Variants in SULT1E1 observed in about 807,000 individuals in gnomAD.
The protein encoded by SULT1E1 is sulfotransferase family 1E member 1.
In SULT1E1, 36 loss-of-function variants were observed where a neutral mutation model predicts 33.6. The observed-to-expected ratio is 1.07, with a 90% confidence interval of 0.82 to 1.41. The LOEUF (loss-of-function observed/expected upper bound fraction) is 1.41. SULT1E1 is among the 40% of genes most tolerant of loss of function. The pLI is 0.00. For missense variants in SULT1E1, 371 were observed against 345.7 expected (o/e 1.07, Z -0.58); for synonymous variants, 121 against 111.7 (o/e 1.08, Z -0.53).
chr4:69,855,544 T>A, intron 2 of SULT1E1, 118 bp from the exon 3 acceptor site: 2 of 916,760 alleles, frequency 2.2e-6, no homozygotes, highest in Non-Finnish European at 3.1e-6. Context: ...TTAAAGGGTG[T>A]CTGAATAGCC....
At chr4:69,856,055 A>G (rs980633313) in intron 2 of SULT1E1, among the ~76,000 whole-genome samples, 27 of 152,204 alleles carry the variant, frequency 1.8e-4, no homozygotes, top group Non-Finnish European at 1.5e-5. Context: ...GTGATCCTTC[A>G]GCTTAGCCTT....
the SULT1E1 span, among the ~76,000 whole-genome samples, chr4:69,831,880 C>T: frequency 6.6e-5 from 10 of 152,266 alleles, no homozygotes; most frequent in East Asian, 1.9e-3. Flanking sequence ...TCTGTGTCTC[C>T]CCACATTACT....
At chr4:69,822,697 C>T in the SULT1E1 span, among the ~76,000 whole-genome samples, 3 of 152,124 alleles carry the variant, frequency 2.0e-5, no homozygotes, top group African/African-American at 7.2e-5. Context: ...TTTTATTCAT[C>T]CCCATCTTGT....
the SULT1E1 span, among the ~76,000 whole-genome samples, chr4:69,830,050 C>T: frequency 1.3e-5 from 2 of 152,202 alleles, no homozygotes; most frequent in African/African-American, 4.8e-5. Context: ...TGTTATCATT[C>T]TCTGGACACT....
chr4:69,828,423 A>G, the SULT1E1 span, among the ~76,000 whole-genome samples: 1 of 152,052 alleles, frequency 6.6e-6, no homozygotes, highest in East Asian at 1.9e-4. Context: ...ACAACTCTGG[A>G]CATGCCACCT....
chr4:69,838,913 T>A (rs1288909247), downstream of SULT1E1, among the ~76,000 whole-genome samples: 4 of 152,250 alleles, frequency 2.6e-5, no homozygotes, highest in Non-Finnish European at 4.4e-5. Flanking sequence ...GAACTATACA[T>A]AAGTAGGTGA....
At chr4:69,848,769 A>G (rs1341634099) in intron 5 of SULT1E1, among the ~76,000 whole-genome samples, 1 of 151,946 alleles carries the variant, frequency 6.6e-6, no homozygotes, top group Non-Finnish European at 1.5e-5. Context: ...TTTTCTTTAT[A>G]ATTGTTACTA....
intron 6 of SULT1E1, among the ~76,000 whole-genome samples, chr4:69,845,533 G>A (rs903529555): frequency 2.7e-5 from 4 of 150,268 alleles, no homozygotes; most frequent in African/African-American, 9.8e-5. Context: ...ACATGTATGT[G>A]TATATATATA....
chr4:69,845,819 A>G (rs1720965688), intron 6 of SULT1E1, among the ~76,000 whole-genome samples: 1 of 151,288 alleles, frequency 6.6e-6, no homozygotes, highest in Non-Finnish European at 1.5e-5. Flanking sequence ...AATGTCATTA[A>G]TAGTCTAATT....
At chr4:69,851,719 C>T (rs1196104612) in intron 4 of SULT1E1, among the ~76,000 whole-genome samples, 1 of 152,080 alleles carries the variant, frequency 6.6e-6, no homozygotes, top group African/African-American at 2.4e-5. Flanking sequence ...GACTTGGAAC[C>T]AACCCAAATA....
chr4:69,826,693 TTC>T, the SULT1E1 span, among the ~76,000 whole-genome samples: 77 of 152,206 alleles, frequency 5.1e-4, no homozygotes, highest in African/African-American at 1.8e-3. Flanking sequence ...GGCCCCAATA[TTC>T]TCTCTCTGAT....
chr4:69,840,649 A>G (rs1425855397), downstream of SULT1E1, among the ~76,000 whole-genome samples: 1 of 152,218 alleles, frequency 6.6e-6, no homozygotes, highest in Non-Finnish European at 1.5e-5. Flanking sequence ...AAGATAAATC[A>G]CACTCATTGG....
chr4:69,825,858 T>TCCGAGGCTAGTCCCACTTCTAAAAACC, the SULT1E1 span, among the ~76,000 whole-genome samples: 1 of 152,184 alleles, frequency 6.6e-6, no homozygotes, highest in Non-Finnish European at 1.5e-5. Flanking sequence ...GCCTCTCTTC[T>TCCGAGGCTAGTCCCACTTCTAAAAACC]CCGAGGCTAG....
chr4:69,833,023 G>T, the SULT1E1 span, among the ~76,000 whole-genome samples: 1 of 152,142 alleles, frequency 6.6e-6, no homozygotes, highest in Admixed American at 6.5e-5. Context: ...CCTTTGAAAT[G>T]AGTCTGCCTA....
chr4:69,840,003 T>C (rs1196800701), downstream of SULT1E1, among the ~76,000 whole-genome samples: 1 of 152,214 alleles, frequency 6.6e-6, no homozygotes, highest in African/African-American at 2.4e-5. Context: ...AACATCACTA[T>C]GAATCTTACA....
At chr4:69,853,916 G>T (rs1440875242) in intron 4 of SULT1E1, among the ~76,000 whole-genome samples, 1 of 152,128 alleles carries the variant, frequency 6.6e-6, no homozygotes, top group African/African-American at 2.4e-5. Context: ...CACTTTATAA[G>T]CATTATCATG....
At chr4:69,822,585 C>G in the SULT1E1 span, among the ~76,000 whole-genome samples, 1 of 152,172 alleles carries the variant, frequency 6.6e-6, no homozygotes, top group African/African-American at 2.4e-5. Context: ...CAACCTGGAC[C>G]CTGTCTGTAG....
At chr4:69,832,947 T>C in the SULT1E1 span, among the ~76,000 whole-genome samples, 2 of 152,150 alleles carry the variant, frequency 1.3e-5, no homozygotes, top group South Asian at 4.1e-4. Context: ...GCTGGGAAAG[T>C]CTTCAGGGCA....
At chr4:69,851,218 C>T (rs1393912450) in intron 4 of SULT1E1, among the ~76,000 whole-genome samples, 1 of 152,066 alleles carries the variant, frequency 6.6e-6, no homozygotes, top group Non-Finnish European at 1.5e-5. Context: ...TTTTTGCAAT[C>T]TACTTATCTG....
Sources: gnomAD v4.1 joint callset for allele counts (sites outside exome capture counted in the v4.1 genomes callset) on GRCh38, gnomAD v4.1.1 for gene constraint, MANE v1.5 for transcripts, NCBI Gene and HGNC (gene_info 2026-07-23, HGNC 2026-07-21) for gene names.